SCHIP1: variants seen among roughly 807,000 people sequenced by gnomAD.
SCHIP1 encodes schwannomin-interacting protein 1.
SCHIP1 carries 8 observed loss-of-function variants against 29.7 expected under a neutral mutation model. The ratio of observed to expected loss-of-function variants is 0.27; its 90% CI spans 0.16 to 0.49. The LOEUF is 0.49. SCHIP1 is among the 20% of genes least tolerant of loss of function. SCHIP1 has a pLI of 0.99. For synonymous variants in SCHIP1, 76 were observed against 94.9 expected (o/e 0.80, Z 1.16); for missense variants, 193 against 294.6 (o/e 0.66, Z 2.52).
the SCHIP1 span, among the ~76,000 whole-genome samples, chr3:159,684,134 T>G: frequency 4.6e-5 from 7 of 152,064 alleles, no homozygotes; most frequent in Non-Finnish European, 7.4e-5. Context: ...CACCTCCTAA[T>G]CTAACTGTCA....
At chr3:159,835,101 A>T (rs1279881529), upstream of SCHIP1, among the ~76,000 whole-genome samples, 1 of 152,138 alleles carries the variant, frequency 6.6e-6, no homozygotes, top group Admixed American at 6.5e-5. Flanking sequence ...GCTTTCCCCA[A>T]TTTCCTGAGG....
At chr3:159,404,147 G>A in the SCHIP1 span, among the ~76,000 whole-genome samples, 1 of 152,162 alleles carries the variant, frequency 6.6e-6, no homozygotes, top group Admixed American at 6.5e-5. Flanking sequence ...AGTACTTGCT[G>A]TGGGCCTTGG....
the SCHIP1 span, among the ~76,000 whole-genome samples, chr3:159,428,036 A>G: frequency 0.16 from 25,065 of 152,146 alleles, 2,400 homozygotes; most frequent in South Asian, 0.37. Flanking sequence ...TCTTATTCAA[A>G]AATTAATTCA....
chr3:159,437,903 C>A, the SCHIP1 span, among the ~76,000 whole-genome samples: 4 of 152,040 alleles, frequency 2.6e-5, no homozygotes, highest in Non-Finnish European at 2.9e-5. Flanking sequence ...GACAGACTGC[C>A]CTGGTTCAAA....
chr3:159,376,554 C>T, the SCHIP1 span, among the ~76,000 whole-genome samples: 7 of 152,320 alleles, frequency 4.6e-5, no homozygotes, highest in African/African-American at 1.7e-4. Flanking sequence ...CATATGTGTT[C>T]TTAACCTCAA....
At chr3:159,601,327 A>G in the SCHIP1 span, among the ~76,000 whole-genome samples, 7 of 151,906 alleles carry the variant, frequency 4.6e-5, no homozygotes, top group Non-Finnish European at 8.8e-5. Flanking sequence ...CCCCCCATAC[A>G]CTATTATCAG....
At chr3:159,392,283 T>C in the SCHIP1 span, among the ~76,000 whole-genome samples, 1 of 152,290 alleles carries the variant, frequency 6.6e-6, no homozygotes, top group East Asian at 1.9e-4. Flanking sequence ...GGCTGAGATT[T>C]AAGAAAATGT....
At chr3:159,599,496 G>A in the SCHIP1 span, among the ~76,000 whole-genome samples, 2 of 152,102 alleles carry the variant, frequency 1.3e-5, no homozygotes, top group Non-Finnish European at 2.9e-5. Flanking sequence ...CTGAGAACAT[G>A]CAATGTTTGG....
At chr3:159,596,600 C>T in the SCHIP1 span, among the ~76,000 whole-genome samples, 3 of 152,052 alleles carry the variant, frequency 2.0e-5, no homozygotes, top group South Asian at 2.1e-4. Flanking sequence ...AAATATGCAC[C>T]ATGGAATACT....
chr3:159,474,711 C>A, the SCHIP1 span, among the ~76,000 whole-genome samples: 19 of 152,194 alleles, frequency 1.2e-4, no homozygotes, highest in South Asian at 6.2e-4. Context: ...CTTAAAGGCA[C>A]ATGAAGAACT....
the SCHIP1 span, among the ~76,000 whole-genome samples, chr3:159,743,735 G>C: frequency 6.6e-6 from 1 of 152,140 alleles, no homozygotes; most frequent in Admixed American, 6.5e-5. Context: ...GCTGTGAAGA[G>C]AATGTCTTAT....
chr3:159,456,820 C>T, the SCHIP1 span, among the ~76,000 whole-genome samples: 1 of 152,140 alleles, frequency 6.6e-6, no homozygotes, highest in Non-Finnish European at 1.5e-5. Flanking sequence ...TAGTCACATA[C>T]ACACATCATA....
the SCHIP1 span, among the ~76,000 whole-genome samples, chr3:159,615,223 T>C: frequency 6.6e-6 from 1 of 152,196 alleles, no homozygotes. Context: ...ATTCAGATCA[T>C]GTTCAGTGTT....
At chr3:159,441,625 T>G in the SCHIP1 span, among the ~76,000 whole-genome samples, 1 of 151,876 alleles carries the variant, frequency 6.6e-6, no homozygotes, top group Non-Finnish European at 1.5e-5. Context: ...AGATGAAGAT[T>G]AAGAACACTA....
the SCHIP1 span, among the ~76,000 whole-genome samples, chr3:159,727,022 C>T: frequency 6.6e-6 from 1 of 152,122 alleles, no homozygotes; most frequent in African/African-American, 2.4e-5. Flanking sequence ...TTGAGGACAC[C>T]ACCTGATTTA....
At chr3:159,421,349 T>C in the SCHIP1 span, among the ~76,000 whole-genome samples, 1 of 152,212 alleles carries the variant, frequency 6.6e-6, no homozygotes, top group African/African-American at 2.4e-5. Flanking sequence ...CTTCAAATAT[T>C]TGAGGAACTG....
chr3:159,406,133 G>A, the SCHIP1 span, among the ~76,000 whole-genome samples: 2 of 151,604 alleles, frequency 1.3e-5, no homozygotes, highest in Non-Finnish European at 2.9e-5. Flanking sequence ...TTATAGAACA[G>A]CAAACAGATT....
At chr3:159,483,466 A>T in the SCHIP1 span, among the ~76,000 whole-genome samples, 2 of 152,190 alleles carry the variant, frequency 1.3e-5, no homozygotes, top group African/African-American at 4.8e-5. Context: ...TGCTTTATTA[A>T]GCCAGGTGCT....
the SCHIP1 span, among the ~76,000 whole-genome samples, chr3:159,494,416 G>C: frequency 6.6e-6 from 1 of 152,204 alleles, no homozygotes; most frequent in Middle Eastern, 3.4e-3. Context: ...AAATGACAAA[G>C]GAGATATCAC....
Sources: allele counts gnomAD v4.1 joint callset (sites outside exome capture counted in the v4.1 genomes callset), GRCh38; gene constraint gnomAD v4.1.1; transcripts MANE v1.5; gene names NCBI Gene and HGNC (gene_info 2026-07-23, HGNC 2026-07-21).